Variants in EFCAB5 observed in about 807,000 individuals in gnomAD.
EFCAB5 encodes the protein EF-hand calcium binding domain 5.
Under a neutral mutation model 167.9 loss-of-function variants are expected in EFCAB5, and 131 were observed. That is an observed-to-expected ratio of 0.78 (90% CI 0.68 to 0.90). The LOEUF is 0.90. EFCAB5 is among the 40% of genes least tolerant of loss of function. The probability of loss-of-function intolerance (pLI) is 0.00; values close to 1 mark genes in which losing one functional copy is unlikely to be tolerated. For missense variants in EFCAB5, 1,663 were observed against 1,745.2 expected (o/e 0.95, Z 0.84); for synonymous variants, 574 against 602.8 (o/e 0.95, Z 0.70).
At chr17:30,023,922 G>A (rs944327603) in intron 7 of EFCAB5, among the ~76,000 whole-genome samples, 4 of 152,102 alleles carry the variant, frequency 2.6e-5, no homozygotes, top group African/African-American at 9.7e-5. Flanking sequence ...CAGAACTGAA[G>A]ACAAAAGCCA....
In EFCAB5 at chr17:30,087,143, C is replaced by T. The variant is rs147451875; in HGVS notation, c.3660C>T (p.Ile1220=). Residue 1220 remains isoleucine, a synonymous_variant, in exon 19 of 23, where the codon ATC becomes ATT. Transcript: ENST00000394835. ...LTEIHKNPPT[I]HRKSCIFRDF... ...AAATCCACAAAAATCCTCCTACCAT[C>T]CACAGGAAGTCATGCATCTTCAGGT... The T allele has an allele frequency of 4.3e-6, 7 of 1,613,718 alleles. No homozygotes were observed. In the East Asian group the frequency reaches 8.9e-5, roughly 21 times the overall value.
Position 29,999,901 on chromosome 17 carries a change from A to G in EFCAB5, c.974-5A>G. ...ACTAGCAAATAATCTTCATTCCATA[A>G]ATAGGATCACACTGCAAACAACTGG... is the stretch of plus-strand genomic sequence containing the variant. On this transcript the variant is annotated splice_polypyrimidine_tract_variant and splice_region_variant and intron_variant, in intron 6 of 22. Coordinates refer to ENST00000394835, the MANE Select transcript of EFCAB5 (RefSeq NM_198529.4). 1 of 1,573,462 alleles carries G rather than the reference A, an allele frequency of 6.4e-7. No individual in the cohort carries two copies.
At chr17:30,029,553 G>A (rs1238407607) in intron 7 of EFCAB5, among the ~76,000 whole-genome samples, 1 of 151,416 alleles carries the variant, frequency 6.6e-6, no homozygotes, top group African/African-American at 2.4e-5. Flanking sequence ...TATATAATTA[G>A]CACTAATCTT....
intron 3 of EFCAB5, among the ~76,000 whole-genome samples, chr17:29,958,275 T>C (rs1460425616): frequency 6.6e-6 from 1 of 152,180 alleles, no homozygotes; most frequent in Non-Finnish European, 1.5e-5. Flanking sequence ...GGTCAATAAC[T>C]CTTAACTTGG....
At chr17:30,037,490 T>C (rs2069658235) in intron 8 of EFCAB5, among the ~76,000 whole-genome samples, 1 of 152,174 alleles carries the variant, frequency 6.6e-6, no homozygotes, top group Non-Finnish European at 1.5e-5. Flanking sequence ...GGACTCTATA[T>C]AAGCACCCCC....
intron 5 of EFCAB5, among the ~76,000 whole-genome samples, chr17:29,995,750 T>C (rs964229289): frequency 4.6e-5 from 7 of 152,250 alleles, no homozygotes; most frequent in African/African-American, 1.4e-4. Context: ...ATGAGCAAGA[T>C]GATTTTTTTC....
rs574142915 is a variant in EFCAB5 at position 29,950,908 on chromosome 17, A to G, written c.190+7259A>G. ...TAACTCCTACATTGTTCAAGGGTCA[A>G]CTGTACATTAGAACCTATAGACTTG... On this transcript the variant is annotated intron_variant, in intron 3 of 22. Transcript: ENST00000394835. 3.3e-5 allele frequency among the ~76,000 whole-genome samples: 5 copies of G among 152,314 alleles called. No individual in the cohort carries two copies. The South Asian group carries it at 1.0e-3, about 32-fold the overall frequency.
chr17:29,943,495 G>C, intron 2 of EFCAB5, 70 bp from the exon 3 acceptor site: 1 of 1,335,152 alleles, frequency 7.5e-7, no homozygotes, highest in Non-Finnish European at 1.0e-6. Context: ...CCTTTAATTG[G>C]AATAATTTAT....
At chr17:30,044,490 C>T (rs541079153) in intron 8 of EFCAB5, among the ~76,000 whole-genome samples, 68 of 152,014 alleles carry the variant, frequency 4.5e-4, no homozygotes, top group African/African-American at 1.6e-3. Flanking sequence ...GCACGAGAAT[C>T]GCTTGAACCC....
At chr17:30,060,887 T>C (rs918635306) in intron 14 of EFCAB5, among the ~76,000 whole-genome samples, 1 of 152,190 alleles carries the variant, frequency 6.6e-6, no homozygotes, top group Non-Finnish European at 1.5e-5. Flanking sequence ...CACTAAATGA[T>C]CTTGTGATCT....
chr17:30,057,832 C>T lies in EFCAB5; in HGVS notation c.2522C>T (p.Ser841Phe), dbSNP rs1237989456. 1.2e-6 allele frequency: 2 copies of T among 1,613,660 alleles called. No homozygotes were observed. Among genetic ancestry groups the T allele is most frequent in the African/African-American group, 2.7e-5 (2 of 74,880 alleles). The change falls in exon 13 of 23, where the codon TCC (serine) becomes TTC (phenylalanine). Residue 841 changes from serine to phenylalanine, a missense_variant. Ser to Phe is a radical substitution (Grantham distance 155). Coordinates refer to ENST00000394835, the MANE Select transcript of EFCAB5 (RefSeq NM_198529.4). ...APLSVSETLT[S>F]FFKEGYVETE... ...TTGAGTGTCAGCGAGACTCTCACCT[C>T]CTTTTTTAAGGAGGGCTATGTTGAA...
chr17:30,056,476 C>T (rs868848392), intron 12 of EFCAB5, among the ~76,000 whole-genome samples: 1 of 152,136 alleles, frequency 6.6e-6, no homozygotes, highest in African/African-American at 2.4e-5. Flanking sequence ...GAAAATCAGA[C>T]ATTAGATACT....
intron 8 of EFCAB5, among the ~76,000 whole-genome samples, chr17:30,038,820 C>A (rs2069691888): frequency 6.6e-6 from 1 of 152,134 alleles, no homozygotes; most frequent in Non-Finnish European, 1.5e-5. Context: ...TTATCTATTT[C>A]TAACAATTTT....
chr17:29,976,844 T>A (rs969921741), intron 4 of EFCAB5, among the ~76,000 whole-genome samples: 3 of 152,156 alleles, frequency 2.0e-5, no homozygotes, highest in Non-Finnish European at 4.4e-5. Context: ...CTCTGTTAGG[T>A]CTCTAAAAAC....
intron 22 of EFCAB5, among the ~76,000 whole-genome samples, chr17:30,099,359 T>A (rs2071349467): frequency 6.6e-6 from 1 of 152,032 alleles, no homozygotes; most frequent in Non-Finnish European, 1.5e-5. Context: ...TGAGCCCAGT[T>A]AAGGCTGCAG....
intron 4 of EFCAB5, among the ~76,000 whole-genome samples, chr17:29,976,292 A>AG (rs1389404583): frequency 6.6e-6 from 1 of 152,164 alleles, no homozygotes; most frequent in Non-Finnish European, 1.5e-5. Flanking sequence ...TATTTCTTGA[A>AG]CTGGGAGTTT....
intron 6 of EFCAB5, among the ~76,000 whole-genome samples, chr17:29,999,235 CTAT>C (rs1362636917): frequency 2.0e-5 from 3 of 151,916 alleles, no homozygotes; most frequent in Admixed American, 2.0e-4. Context: ...AAAAAAGCTA[CTAT>C]GAGTGGTAAA....
At chr17:30,106,622 A>G (rs1167910270) in intron 22 of EFCAB5, among the ~76,000 whole-genome samples, 4 of 151,896 alleles carry the variant, frequency 2.6e-5, no homozygotes, top group African/African-American at 7.3e-5. Flanking sequence ...ACGCCTGGCT[A>G]ATTTTTGTAT....
In EFCAB5 at chr17:30,087,044, A is replaced by G; in HGVS notation, c.3580-19A>G. On this transcript the variant is annotated intron_variant, in intron 18 of 22. Coordinates refer to ENST00000394835, the MANE Select transcript of EFCAB5 (RefSeq NM_198529.4). The stretch of plus-strand genomic sequence containing the variant: ...ATGAGGTCTAATTACTCCTAATGAA[A>G]TGCCTTCCTCTTTTCAAGGATTCAG... 1 of 1,610,526 alleles carries G rather than the reference A, an allele frequency of 6.2e-7. No homozygotes were observed. Among genetic ancestry groups the G allele is most frequent in the Non-Finnish European group, 8.5e-7 (1 of 1,177,204 alleles).
Sources: gnomAD v4.1 joint callset for allele counts (sites outside exome capture counted in the v4.1 genomes callset) on GRCh38, gnomAD v4.1.1 for gene constraint, MANE v1.5 for transcripts, NCBI Gene and HGNC (gene_info 2026-07-23, HGNC 2026-07-21) for gene names.